Variants in PSMD3 observed in about 807,000 individuals in gnomAD.
PSMD3 encodes 26S proteasome non-ATPase regulatory subunit 3.
Under a neutral mutation model 62.8 loss-of-function variants are expected in PSMD3, and 5 were observed. The ratio of observed to expected loss-of-function variants is 0.08; its 90% CI spans 0.04 to 0.17. The LOEUF (loss-of-function observed/expected upper bound fraction) is 0.17. Among genes scored for constraint, PSMD3 ranks in the 10% least tolerant of loss-of-function variants. The pLI, the probability that PSMD3 is intolerant of heterozygous loss-of-function variation, is 1.00. For synonymous variants in PSMD3, 265 were observed against 283.9 expected, an observed-to-expected ratio of 0.93 and a Z score of 0.67; for missense variants, 524 against 713.6, an observed-to-expected ratio of 0.73 and a Z score of 3.03.
intron 3 of PSMD3, among the ~76,000 whole-genome samples, chr17:39,987,606 CCAAAGTGTTAGGGTTA>C (rs1980555907): frequency 1.3e-5 from 2 of 152,112 alleles, no homozygotes; most frequent in Non-Finnish European, 2.9e-5. Context: ...GCTCAGCCTC[CCAAAGTGTTAGGGTTA>C]CAGGCATGAG....
At chr17:39,981,430 A>C (rs1475680723) in intron 1 of PSMD3, among the ~76,000 whole-genome samples, 1 of 152,052 alleles carries the variant, frequency 6.6e-6, no homozygotes, top group African/African-American at 2.4e-5. Context: ...GGTTGCATCT[A>C]TATCTAGGTC....
In PSMD3 at chr17:39,980,831, T is replaced by G; in HGVS notation, c.-140T>G. On this transcript the variant is annotated 5_prime_UTR_variant, in exon 1 of 12. Coordinates refer to ENST00000264639, the MANE Select transcript of PSMD3 (RefSeq NM_002809.4). Reference sequence around the variant, plus strand: ...CAGAAGGCCCAGCGCCGGGAAGGGGTTTGCAGCTGCTCCGTCATCGTGCGG... The same window carrying G: ...CAGAAGGCCCAGCGCCGGGAAGGGGGTTGCAGCTGCTCCGTCATCGTGCGG... The G allele has an allele frequency of 1.3e-6, 1 of 760,918 alleles. No individual in the cohort carries two copies. 47.1% of individuals were successfully genotyped at this position (760,918 alleles called of 1,614,324 possible).
At position 39,995,900 on chromosome 17, in the gene PSMD3, C is replaced by T. The variant is rs980250750; in HGVS notation, c.1321-283C>T. On this transcript the variant is annotated intron_variant, in intron 9 of 11. Transcript: ENST00000264639. The surrounding 1 kb of genome is among the most constrained non-coding windows in gnomAD (Gnocchi z 4.1). ...TTGGGAGGCTGACATGGGCAGATCA[C>T]CTGAGGTCAGGAGTTTGAGACAAGC... 2.9e-5 allele frequency: 14 copies of T among 483,424 alleles called. No individual in the cohort carries two copies. Among genetic ancestry groups the T allele is most frequent in the Non-Finnish European group, 5.3e-5 (14 of 266,108 alleles). 29.9% of individuals were successfully genotyped at this position (483,424 alleles called of 1,614,324 possible).
intron 4 of PSMD3, among the ~76,000 whole-genome samples, chr17:39,989,241 C>T (rs1175125759): frequency 6.6e-6 from 1 of 152,224 alleles, no homozygotes; most frequent in African/African-American, 2.4e-5. Flanking sequence ...TCCTGCTCCT[C>T]AGCCCCACTG....
chr17:39,994,448 G>T (rs968167110), intron 6 of PSMD3: 13 of 167,850 alleles, frequency 7.7e-5, no homozygotes, highest in Non-Finnish European at 1.7e-4. Flanking sequence ...TCTATGTCTG[G>T]ATACTCTGCT....
In PSMD3 at chr17:39,986,559, T is replaced by G; in HGVS notation, c.412-16T>G. 6.2e-7 allele frequency: 1 copy of G among 1,614,054 alleles called. No homozygotes were observed. The highest frequency in any genetic ancestry group is 8.5e-7 in the Non-Finnish European group (1 of 1,179,930). On this transcript the variant is annotated splice_polypyrimidine_tract_variant and intron_variant, in intron 2 of 11. Transcript: ENST00000264639. ...TCAGACTGAGCTTTTCCATGGTAAC[T>G]TCTGTCCTCTCCTAGCCCATGGACA...
Position 39,997,605 on chromosome 17 carries a change from G to T in PSMD3, c.*24G>T. ...GAGCTGGGGGGCTGGGGAGGGGTAG[G>T]GGGAATGGGGACAGGCTCTTTCCCC... On this transcript the variant is annotated 3_prime_UTR_variant, in exon 12 of 12. Coordinates refer to ENST00000264639, the MANE Select transcript of PSMD3 (RefSeq NM_002809.4). 1 of 1,584,488 alleles carries T rather than the reference G, an allele frequency of 6.3e-7. No individual in the cohort carries two copies. Among genetic ancestry groups the T allele is most frequent in the South Asian group, 1.1e-5 (1 of 90,352 alleles).
intron 6 of PSMD3, among the ~76,000 whole-genome samples, chr17:39,992,517 C>T (rs892337332): frequency 1.3e-5 from 2 of 152,206 alleles, no homozygotes; most frequent in African/African-American, 2.4e-5. Flanking sequence ...TGGCACAGAG[C>T]GCTCTGAGGA....
chr17:39,996,450 T>C lies in PSMD3; in HGVS notation c.1476+112T>C. 7.1e-7 allele frequency: 1 copy of C among 1,405,728 alleles called. No individual in the cohort carries two copies. 87.1% of individuals were successfully genotyped at this position (1,405,728 alleles called of 1,614,324 possible). The stretch of plus-strand genomic sequence containing the variant: ...AATTTGTGGCCCACGTCCCAGCCAA[T>C]CTCTGTAAAATCACTGAGCTGCAGC... On this transcript the variant is annotated intron_variant, in intron 10 of 11. Coordinates refer to ENST00000264639, the MANE Select transcript of PSMD3 (RefSeq NM_002809.4). The surrounding 1 kb of genome is among the most constrained non-coding windows in gnomAD (Gnocchi z 5.1).
rs1422639307 is a variant in PSMD3, at chr17:39,994,972, G to C, written c.1000G>C (p.Val334Leu). The C allele has an allele frequency of 6.2e-7, 1 of 1,614,110 alleles. No homozygotes were observed. The highest frequency in any genetic ancestry group is 8.5e-7 in the Non-Finnish European group (1 of 1,180,022). ...TGTCCAGGTGCACAAGCTTCTCATC[G>C]TGGTGGAGCTGTTGCTGGGGGAGAT... Reference protein sequence around the residue: ...FKQTVHKLLIVVELLLGEIPD... With the variant: ...FKQTVHKLLILVELLLGEIPD... The change falls in exon 7 of 12, where the codon GTG (valine) becomes CTG (leucine). Residue 334 changes from valine (V) to leucine (L), a missense_variant. Transcript: ENST00000264639.
At chr17:39,990,001 G>A (rs1980616900) in intron 5 of PSMD3, 72 bp downstream of exon 5, 6 of 1,569,086 alleles carry the variant, frequency 3.8e-6, no homozygotes, top group Non-Finnish European at 1.7e-6. Context: ...TCCAAGGGGT[G>A]GTGCATAAGA....
intron 3 of PSMD3, 38 bp downstream of exon 3, chr17:39,986,750 A>G: frequency 6.2e-7 from 1 of 1,609,330 alleles, no homozygotes; most frequent in Non-Finnish European, 8.5e-7. Context: ...ATAAGCCCCA[A>G]GTGATGCAAG....
At position 39,984,399 on chromosome 17, in the gene PSMD3, A is replaced by G. The variant is rs373296396; in HGVS notation, c.326A>G (p.Asn109Ser). The change falls in exon 2 of 12, where the codon AAC (asparagine) becomes AGC (serine). Residue 109 changes from asparagine (N) to serine (S), a missense_variant. Coordinates refer to ENST00000264639, the MANE Select transcript of PSMD3 (RefSeq NM_002809.4). ...CTGCCTTCCACATCACGCCGCCTCA[A>G]CCACTATGTTCTGTATAAGGCTGTG... ...RMLPSTSRRL[N>S]HYVLYKAVQG... 9 of 1,613,822 alleles carry G rather than the reference A, an allele frequency of 5.6e-6. No individual in the cohort carries two copies. The highest frequency in any genetic ancestry group is 1.7e-4 in the Middle Eastern group (1 of 5,860).
In PSMD3 at chr17:39,989,794, G is replaced by A; in HGVS notation, c.742G>A (p.Ala248Thr). ...GCTTCGGCATGACGCAGACGGGCAG[G>A]CCACCCTGTTGAACCTCCTGCTGCG... Reference protein sequence around the residue: ...ATLRHDADGQATLLNLLLRNY... With the variant: ...ATLRHDADGQTTLLNLLLRNY... Residue 248 changes from alanine (A) to threonine (T), a missense_variant, in exon 5 of 12, where the codon GCC becomes ACC. Coordinates refer to ENST00000264639, the MANE Select transcript of PSMD3 (RefSeq NM_002809.4). The A allele has an allele frequency of 6.2e-7, 1 of 1,614,154 alleles. No individual in the cohort carries two copies. The highest frequency in any genetic ancestry group is 8.5e-7 in the Non-Finnish European group (1 of 1,180,046).
At chr17:39,991,876 C>T (rs1000770539) in intron 6 of PSMD3, among the ~76,000 whole-genome samples, 23 of 151,868 alleles carry the variant, frequency 1.5e-4, no homozygotes, top group African/African-American at 5.3e-4. Flanking sequence ...AATTAAAAAC[C>T]TAGCTGGGCG....
intron 2 of PSMD3, 51 bp downstream of exon 2, chr17:39,984,535 A>C (rs766098742): frequency 6.7e-7 from 1 of 1,490,718 alleles, no homozygotes; most frequent in African/African-American, 1.4e-5. Context: ...TCAGATCCCC[A>C]GGAACAGCAT....
In PSMD3 at chr17:39,997,676, C is replaced by T; in HGVS notation, c.*95C>T. 1 of 1,395,376 alleles carries T rather than the reference C, an allele frequency of 7.2e-7. No individual in the cohort carries two copies. The highest frequency in any genetic ancestry group is 1.0e-6 in the Non-Finnish European group (1 of 1,002,762). 86.4% of individuals were successfully genotyped at this position (1,395,376 alleles called of 1,614,324 possible). A position where few individuals can be genotyped will look rare whatever the true frequency, so the allele number is the denominator to read the frequency against. On this transcript the variant is annotated 3_prime_UTR_variant, in exon 12 of 12. Transcript: ENST00000264639. The stretch of plus-strand genomic sequence containing the variant: ...GGCACTGTCCCCATTTTCCCACACA[C>T]AGCTCATATGCTGCATTCGTGCAGG...
In PSMD3 at chr17:39,996,398, C is replaced by T. The variant is rs924451700; in HGVS notation, c.1476+60C>T. On this transcript the variant is annotated intron_variant, in intron 10 of 11. Coordinates refer to ENST00000264639, the MANE Select transcript of PSMD3 (RefSeq NM_002809.4). This position sits in a 1 kb window ranked among gnomAD's most constrained non-coding sequence, Gnocchi z 5.1. ...AGCAGCACACCCCTCCCTCCACACT[C>T]ATGGATTCCTCAGAGAAGACTGGCT... The T allele has an allele frequency of 2.5e-6, 4 of 1,568,750 alleles. No individual in the cohort carries two copies. In the African/African-American group the frequency reaches 5.4e-5, roughly 21 times the overall value.
chr17:39,993,951 C>T (rs1318614559), intron 6 of PSMD3: 2 of 152,222 alleles, frequency 1.3e-5, no homozygotes, highest in African/African-American at 4.8e-5. Flanking sequence ...CAGCCTGGCA[C>T]ACAAAATGGC....
Sources: allele counts gnomAD v4.1 joint callset (sites outside exome capture counted in the v4.1 genomes callset), GRCh38; gene constraint gnomAD v4.1.1; non-coding constraint Gnocchi (gnomAD v3.1); transcripts MANE v1.5; gene names NCBI Gene and HGNC (gene_info 2026-07-23, HGNC 2026-07-21).